DIDO1: variants seen among roughly 807,000 people sequenced by gnomAD.
The protein encoded by DIDO1 is death-inducer obliterator 1.
A neutral mutation model predicts 99.4 loss-of-function variants in DIDO1; 16 were observed. The ratio of observed to expected loss-of-function variants is 0.16; its 90% CI spans 0.11 to 0.24. The LOEUF (loss-of-function observed/expected upper bound fraction) is 0.24, where lower values mean the gene tolerates loss of function less well. Ranked by LOEUF, DIDO1 falls within the 10% of genes least tolerant of loss-of-function variation. The pLI, the probability that DIDO1 is intolerant of heterozygous loss-of-function variation, is 1.00. For synonymous variants in DIDO1, 1,366 were observed against 1,239.1 expected (o/e 1.10, Z -2.15); for missense variants, 2,996 against 3,014.0 (o/e 0.99, Z 0.14).
At chr20:62,906,299 T>G (rs1393343730) in intron 5 of DIDO1, among the ~76,000 whole-genome samples, 199 bp from the exon 6 acceptor site, 4 of 152,086 alleles carry the variant, frequency 2.6e-5, no homozygotes, top group African/African-American at 9.7e-5. Flanking sequence ...AGTTTCCCCG[T>G]GCAAAACTGA....
chr20:62,901,485 G>A (rs6011460), intron 6 of DIDO1, among the ~76,000 whole-genome samples: 2 of 151,982 alleles, frequency 1.3e-5, no homozygotes, highest in East Asian at 1.9e-4. Context: ...TCTCCCACAC[G>A]AGTAATTTAA....
rs1360211455 is a variant in DIDO1 at position 62,891,989 on chromosome 20, T to C, written c.3343A>G (p.Lys1115Glu). ...YVGKLKSSVS[K>E]ELCLIRFHPA... ...GAATTTATACTATAAGCAGGTACCTTAGACACAGAAGACTTGAGTTTGCCA... is the reference window on the plus strand; with the variant it reads ...GAATTTATACTATAAGCAGGTACCTCAGACACAGAAGACTTGAGTTTGCCA... Residue 1115 changes from lysine (K) to glutamate (E), a missense_variant and splice_region_variant, in exon 14 of 16, where the codon AAG (lysine) becomes GAG (glutamate). By Grantham distance (56) the Lys-to-Glu change is moderately conservative. Transcript: ENST00000395343. 1 of 1,610,210 alleles carries C rather than the reference T, an allele frequency of 6.2e-7. No individual in the cohort carries two copies. The highest frequency in any genetic ancestry group is 1.3e-5 in the African/African-American group (1 of 74,832).
At chr20:62,929,510 C>G (rs993349875), upstream of DIDO1, among the ~76,000 whole-genome samples, 1 of 151,792 alleles carries the variant, frequency 6.6e-6, no homozygotes, top group Non-Finnish European at 1.5e-5. Flanking sequence ...TTCTTTCTGG[C>G]CGGAGATCGG....
At position 62,882,168 on chromosome 20, in the gene DIDO1, G is replaced by A. The variant is rs2064219994; in HGVS notation, c.3788C>T (p.Pro1263Leu). ...VSTTPPGSPP[P>L]PPPLPEPPVL... is the part of the protein sequence containing the mutation. ...CGGTGGTTCTGGAAGAGGGGGCGGA[G>A]GCGGCGGCGACCCAGGAGGTGTGGT... Residue 1263 changes from proline to leucine, a missense_variant, in exon 16 of 16, where the codon CCT (proline) becomes CTT (leucine). Around this residue, in one of 5 missense-constraint regions of DIDO1, gnomAD observed 1,562 missense variants for 1,412.6 expected, o/e 1.11. Coordinates refer to ENST00000395343, the MANE Select transcript of DIDO1 (RefSeq NM_001193369.2). The A allele has an allele frequency of 6.2e-7, 1 of 1,613,274 alleles. No individual in the cohort carries two copies. The highest frequency in any genetic ancestry group is 1.3e-5 in the African/African-American group (1 of 75,028).
At chr20:62,888,743 C>T (rs756428026) in intron 15 of DIDO1, 67 of 985,332 alleles carry the variant, frequency 6.8e-5, no homozygotes, top group Non-Finnish European at 7.8e-5. Flanking sequence ...CTAGAAAACG[C>T]CAAGTCAAGT....
chr20:62,891,125 T>C lies in DIDO1; in HGVS notation c.3376A>G (p.Thr1126Ala). The change falls in exon 15 of 16, where the codon ACA becomes GCA. Residue 1126 changes from threonine (T) to alanine (A), a missense_variant. Thr to Ala is a moderately conservative substitution (Grantham distance 58, BLOSUM62 0). Transcript: ENST00000395343. ...ELCLIRFHPATEEEEVAYISL... is the reference protein window; with the variant it reads ...ELCLIRFHPAAEEEEVAYISL... ...ATATAGGCGACCTCCTCTTCCTCTGTGGCGGGGTGGAAGCGGATCAGACAG... is the reference window on the plus strand; with the variant it reads ...ATATAGGCGACCTCCTCTTCCTCTGCGGCGGGGTGGAAGCGGATCAGACAG... 6.2e-7 allele frequency: 1 copy of C among 1,614,068 alleles called. No individual in the cohort carries two copies.
At chr20:62,920,162 C>T (rs1202073486) in intron 1 of DIDO1, among the ~76,000 whole-genome samples, 3 of 152,168 alleles carry the variant, frequency 2.0e-5, no homozygotes, top group African/African-American at 7.2e-5. Context: ...CACCTCATGC[C>T]GCAAGTGTGG....
intron 1 of DIDO1, among the ~76,000 whole-genome samples, chr20:62,925,207 A>C (rs2065229603): frequency 6.6e-6 from 1 of 152,206 alleles, no homozygotes; most frequent in Non-Finnish European, 1.5e-5. Flanking sequence ...ATAATCTCTC[A>C]AGTTCCCCAG....
intron 15 of DIDO1, among the ~76,000 whole-genome samples, chr20:62,884,234 A>G (rs536179575): frequency 6.6e-6 from 1 of 152,078 alleles, no homozygotes; most frequent in East Asian, 1.9e-4. Context: ...GATATTCCCA[A>G]CGTCGTAAGT....
Position 62,910,876 on chromosome 20 carries a change from A to T in DIDO1, c.737T>A (p.Ile246Asn). The T allele has an allele frequency of 1.9e-6, 3 of 1,613,972 alleles. No individual in the cohort carries two copies. Among genetic ancestry groups the T allele is most frequent in the Non-Finnish European group, 2.5e-6 (3 of 1,179,992 alleles). The change falls in exon 3 of 16, where the codon ATC (isoleucine) becomes AAC (asparagine). Residue 246 changes from isoleucine to asparagine, a missense_variant. By Grantham distance (149) the Ile-to-Asn change is moderately radical. This residue lies in a region of DIDO1 where 388 missense variants were observed against 376.6 expected (regional missense o/e 1.03). Coordinates refer to ENST00000395343, the MANE Select transcript of DIDO1 (RefSeq NM_001193369.2). ...CAAGTCTCCAGGCTCCTCATCTTTGATGTCCTGAGCCGCCTTTCCCTCCAA... is the reference window on the plus strand; with the variant it reads ...CAAGTCTCCAGGCTCCTCATCTTTGTTGTCCTGAGCCGCCTTTCCCTCCAA... ...SKLEGKAAQD[I>N]KDEEPGDLGR...
intron 2 of DIDO1, 60 bp downstream of exon 2, chr20:62,914,150 T>C (rs1227069284): frequency 2.0e-5 from 3 of 152,212 alleles, no homozygotes; most frequent in African/African-American, 7.2e-5. Flanking sequence ...ACTTTATAAA[T>C]AGCAAATACA....
intron 3 of DIDO1, 124 bp from the exon 4 acceptor site, chr20:62,910,144 A>G (rs2064897242): frequency 1.9e-6 from 2 of 1,070,802 alleles, no homozygotes; most frequent in Non-Finnish European, 2.6e-6. Context: ...GTAGAGATTA[A>G]GAACGTCCTC....
chr20:62,920,694 G>GT (rs1414978664), intron 1 of DIDO1, among the ~76,000 whole-genome samples: 1 of 152,196 alleles, frequency 6.6e-6, no homozygotes, highest in East Asian at 1.9e-4. Flanking sequence ...ATTCCATGCT[G>GT]TTTCCACAGC....
intron 1 of DIDO1, 74 bp from the exon 2 acceptor site, chr20:62,914,480 G>A (rs545998696): frequency 7.2e-5 from 11 of 152,292 alleles, no homozygotes; most frequent in African/African-American, 2.6e-4. Flanking sequence ...AGGGAGTACC[G>A]AACTTCTCAA....
In DIDO1 at chr20:62,894,780, C is replaced by T. The variant is rs769469523; in HGVS notation, c.2436+30G>A. The T allele has an allele frequency of 1.6e-5, 25 of 1,593,440 alleles. No individual in the cohort carries two copies. Among genetic ancestry groups the T allele is most frequent in the Admixed American group, 5.3e-5 (3 of 56,338 alleles). ...CATTTGGGATGGATTAGTCTATTCT[C>T]GGTGAACACAAAATCTCCCAAATGC... is the stretch of plus-strand genomic sequence containing the variant. On this transcript the variant is annotated intron_variant, in intron 10 of 15. Transcript: ENST00000395343. The surrounding 1 kb of genome is among the most constrained non-coding windows in gnomAD (Gnocchi z 4.4).
rs374898129 is a variant in DIDO1, at chr20:62,918,044, A to T, written c.-199-3638T>A. On this transcript the variant is annotated intron_variant, in intron 1 of 15. Coordinates refer to ENST00000395343, the MANE Select transcript of DIDO1 (RefSeq NM_001193369.2). ...ATACCTATGCTTCAGACATCAGAAG[A>T]GACTTTAAACATTTCCTTCCACAAG... Among the ~76,000 whole-genome samples the T allele has an allele frequency of 1.5e-3, 221 of 152,360 alleles. 4 individuals carry two copies. Among genetic ancestry groups the T allele is most frequent in the Middle Eastern group, 0.014 (4 of 294 alleles).
chr20:62,897,850 T>G (rs930167598), intron 6 of DIDO1, among the ~76,000 whole-genome samples: 3 of 152,146 alleles, frequency 2.0e-5, no homozygotes, highest in African/African-American at 7.2e-5. Flanking sequence ...ACAGGGCTCG[T>G]TGAGGTGCAC....
At chr20:62,888,287 T>C (rs2064329419) in intron 15 of DIDO1, 26 of 985,498 alleles carry the variant, frequency 2.6e-5, no homozygotes, top group Non-Finnish European at 3.0e-5. Flanking sequence ...GTCACTCTTT[T>C]CTGCGTGAAT....
Position 62,894,743 on chromosome 20 carries a change from A to G in DIDO1, c.2436+67T>C, listed in dbSNP as rs893441677. 7.2e-6 allele frequency: 11 copies of G among 1,527,894 alleles called. No homozygotes were observed. In the African/African-American group the frequency reaches 8.4e-5, roughly 12 times the overall value. 94.6% of individuals were successfully genotyped at this position (1,527,894 alleles called of 1,614,324 possible). A position where few individuals can be genotyped will look rare whatever the true frequency, so the allele number is the denominator to read the frequency against. On this transcript the variant is annotated intron_variant, in intron 10 of 15. Transcript: ENST00000395343. This position sits in a 1 kb window ranked among gnomAD's most constrained non-coding sequence, Gnocchi z 4.4. ...CTCAGGTCCTGCCCAATAATTTAAG[A>G]TAACCTCAAAACATTTGGGATGGAT...
Sources: gnomAD v4.1 joint callset for allele counts (sites outside exome capture counted in the v4.1 genomes callset) on GRCh38, gnomAD v4.1.1 for gene constraint, gnomAD v4.1.1 regional missense constraint, Gnocchi (gnomAD v3.1) non-coding constraint, MANE v1.5 for transcripts, NCBI Gene and HGNC (gene_info 2026-07-23, HGNC 2026-07-21) for gene names.